The following MRPS6 variants were observed in gnomAD, a reference collection of about 807,000 sequenced individuals.
The protein encoded by MRPS6 is mitochondrial ribosomal protein S6, also known as small ribosomal subunit protein bS6m.
A neutral mutation model predicts 13.1 loss-of-function variants in MRPS6; 6 were observed. The observed-to-expected ratio is 0.46, with a 90% confidence interval of 0.25 to 0.91. The LOEUF is 0.91. MRPS6 is among the 40% of genes least tolerant of loss of function. The pLI is 0.18. For missense variants in MRPS6, 164 were observed against 155.6 expected, an observed-to-expected ratio of 1.05 and a Z score of -0.29; for synonymous variants, 61 against 56.5, an observed-to-expected ratio of 1.08 and a Z score of -0.36.
intron 2 of MRPS6, among the ~76,000 whole-genome samples, chr21:34,139,567 C>A (rs937041583): frequency 4.6e-5 from 7 of 152,096 alleles, no homozygotes; most frequent in Non-Finnish European, 1.0e-4. Context: ...ATCATTTCAT[C>A]TGAGTTGTTA....
intron 1 of MRPS6, chr21:34,095,651 G>A: frequency 6.2e-7 from 1 of 1,613,432 alleles, no homozygotes; most frequent in Non-Finnish European, 8.5e-7. Context: ...TTTTTATCCA[G>A]GAGTCTTTGG....
At chr21:34,074,215 G>T (rs1445709371) in intron 1 of MRPS6, among the ~76,000 whole-genome samples, 2 of 150,540 alleles carry the variant, frequency 1.3e-5, no homozygotes, top group African/African-American at 4.9e-5. Context: ...GCCGCCGACC[G>T]CCTCCGCTCT....
intron 2 of MRPS6, among the ~76,000 whole-genome samples, chr21:34,139,330 G>GTTTTAAAAAAGTTT (rs1350290099): frequency 5.9e-5 from 9 of 151,400 alleles, no homozygotes; most frequent in Admixed American, 5.9e-4. Context: ...AAAACTTAAA[G>GTTTTAAAAAAGTTT]TATAATAAAA....
intron 2 of MRPS6, among the ~76,000 whole-genome samples, chr21:34,130,109 C>G (rs1980449767): frequency 6.8e-6 from 1 of 147,372 alleles, no homozygotes; most frequent in Admixed American, 6.7e-5. Context: ...GCCCTCCCAT[C>G]CCCCTCCCCC....
chr21:34,122,768 T>C (rs1158165064), intron 1 of MRPS6: 1 of 152,128 alleles, frequency 6.6e-6, no homozygotes, highest in Non-Finnish European at 1.5e-5. Flanking sequence ...TTGGATGGGC[T>C]GTTCCTTTAC....
chr21:34,128,573 T>C (rs910366185), intron 2 of MRPS6, among the ~76,000 whole-genome samples: 1 of 152,232 alleles, frequency 6.6e-6, no homozygotes. Context: ...TCATTATATT[T>C]CAAATATTAG....
intron 1 of MRPS6, among the ~76,000 whole-genome samples, chr21:34,076,174 GC>G (rs891878681): frequency 7.2e-5 from 11 of 152,256 alleles, no homozygotes; most frequent in African/African-American, 2.6e-4. Flanking sequence ...TAGTTTTCCA[GC>G]CTTTGGACTC....
chr21:34,095,484 G>C (rs1978925346), intron 1 of MRPS6: 1 of 1,613,902 alleles, frequency 6.2e-7, no homozygotes, highest in African/African-American at 1.3e-5. Flanking sequence ...TCTGGGATGG[G>C]TTTTCATCCC....
intron 1 of MRPS6, among the ~76,000 whole-genome samples, chr21:34,074,033 G>A (rs1047401486): frequency 6.8e-6 from 1 of 146,070 alleles, no homozygotes; most frequent in Non-Finnish European, 1.5e-5. Flanking sequence ...CGGACCGAGC[G>A]GGCCCCGACC....
In MRPS6 at chr21:34,098,934, C is replaced by T. The variant is rs1306119917; in HGVS notation, c.45+25189C>T. 6.1e-6 allele frequency: 6 copies of T among 985,802 alleles called. No homozygotes were observed. The South Asian group carries it at 2.4e-4, about 39-fold the overall frequency. The allele number at this position is 985,802 out of a possible 1,614,324, so 61.1% of individuals were successfully genotyped here. ...TTTTAGATTGCATGATTTTACTAGG[C>T]TTGTATTTAGGGAAATTACTTTCAT... On this transcript the variant is annotated intron_variant, in intron 1 of 2. Coordinates refer to ENST00000399312, the MANE Select transcript of MRPS6 (RefSeq NM_032476.4).
Position 34,073,607 on chromosome 21 carries a change from A to C in MRPS6, c.-94A>C, listed in dbSNP as rs1016927600. ...TCGCCGCCTGGGAGCCGTCCGGCGC[A>C]GCAGTTTCTAGGTCCCCACTGTCCC... On this transcript the variant is annotated 5_prime_UTR_variant, in exon 1 of 3. Transcript: ENST00000399312. The C allele has an allele frequency of 4.5e-6, 5 of 1,110,908 alleles. No individual in the cohort carries two copies. Among genetic ancestry groups the C allele is most frequent in the African/African-American group, 3.3e-5 (2 of 60,158 alleles). 68.8% of individuals were successfully genotyped at this position (1,110,908 alleles called of 1,614,324 possible). A position where few individuals can be genotyped will look rare whatever the true frequency, so the allele number is the denominator to read the frequency against.
intron 1 of MRPS6, chr21:34,097,482 G>A: frequency 6.9e-7 from 1 of 1,443,784 alleles, no homozygotes; most frequent in Non-Finnish European, 9.1e-7. Flanking sequence ...TTACTTAGCA[G>A]AAAATCATCT....
intron 2 of MRPS6, among the ~76,000 whole-genome samples, chr21:34,131,822 G>A (rs1294565600): frequency 2.6e-5 from 4 of 152,232 alleles, no homozygotes; most frequent in Admixed American, 1.3e-4. Flanking sequence ...GTCTCCCACA[G>A]GACTGCGGTG....
rs147941537 is a variant in MRPS6, at chr21:34,100,337, G to T, written c.46-25004G>T. Reference sequence around the variant, plus strand: ...ATTTTGTGGGACCTCTAATTTCCCTGGTCATCTTTCAGAATATTCTGTTCT... The same window carrying T: ...ATTTTGTGGGACCTCTAATTTCCCTTGTCATCTTTCAGAATATTCTGTTCT... On this transcript the variant is annotated intron_variant, in intron 1 of 2. Transcript: ENST00000399312. 1.5e-4 allele frequency: 148 copies of T among 1,000,122 alleles called. No homozygotes were observed. The East Asian group carries it at 7.5e-3, about 51-fold the overall frequency. 62.0% of individuals were successfully genotyped at this position (1,000,122 alleles called of 1,614,324 possible). A position where few individuals can be genotyped will look rare whatever the true frequency, so the allele number is the denominator to read the frequency against.
chr21:34,118,111 C>T (rs1223085265), intron 1 of MRPS6, among the ~76,000 whole-genome samples: 1 of 151,874 alleles, frequency 6.6e-6, no homozygotes, highest in Non-Finnish European at 1.5e-5. Context: ...TTGGTTTATT[C>T]AAAGAGTTTT....
intron 2 of MRPS6, among the ~76,000 whole-genome samples, 188 bp downstream of exon 2, chr21:34,125,668 T>C (rs1163724538): frequency 6.6e-6 from 1 of 152,184 alleles, no homozygotes; most frequent in Non-Finnish European, 1.5e-5. Flanking sequence ...TCGTGGACTA[T>C]GATCTGAGTT....
chr21:34,096,279 G>A lies in MRPS6; in HGVS notation c.45+22534G>A, dbSNP rs776452170. 7.4e-6 allele frequency: 12 copies of A among 1,614,160 alleles called. No homozygotes were observed. Among genetic ancestry groups the A allele is most frequent in the Non-Finnish European group, 4.2e-6 (5 of 1,180,020 alleles). Reference sequence around the variant, plus strand: ...ACGCCTGGTGATGAAGCTGGTTCCTGTGGGCCTTCGGGGTTTAATGATGGC... The same window carrying A: ...ACGCCTGGTGATGAAGCTGGTTCCTATGGGCCTTCGGGGTTTAATGATGGC... On this transcript the variant is annotated intron_variant, in intron 1 of 2. Transcript: ENST00000399312. The surrounding 1 kb of genome is among the most constrained non-coding windows in gnomAD (Gnocchi z 5.9).
At chr21:34,102,949 T>G in intron 1 of MRPS6, 1 of 999,884 alleles carries the variant, frequency 1.0e-6, no homozygotes, top group South Asian at 4.7e-5. Context: ...AAATTCACCC[T>G]GTTTCCTAGT....
At chr21:34,126,702 C>A (rs1463235964) in intron 2 of MRPS6, among the ~76,000 whole-genome samples, 1 of 152,162 alleles carries the variant, frequency 6.6e-6, no homozygotes, top group East Asian at 1.9e-4. Flanking sequence ...TAAAAACTGT[C>A]CGAGAGTCAT....
Sources: gnomAD v4.1 joint callset for allele counts (sites outside exome capture counted in the v4.1 genomes callset) on GRCh38, gnomAD v4.1.1 for gene constraint, Gnocchi (gnomAD v3.1) non-coding constraint, MANE v1.5 for transcripts, NCBI Gene and HGNC (gene_info 2026-07-23, HGNC 2026-07-21) for gene names.